ZNF638: variants seen among roughly 807,000 people sequenced by gnomAD.
The protein encoded by ZNF638 is zinc finger protein 638.
In ZNF638, 46 loss-of-function variants were observed where a neutral mutation model predicts 195.6. The ratio of observed to expected loss-of-function variants is 0.24; its 90% CI spans 0.19 to 0.30. The LOEUF (loss-of-function observed/expected upper bound fraction) is 0.30, where lower values mean the gene tolerates loss of function less well. Among genes scored for constraint, ZNF638 ranks in the 10% least tolerant of loss-of-function variants. ZNF638 has a pLI of 1.00. For synonymous variants in ZNF638, 845 were observed against 772.0 expected (o/e 1.09, Z -1.57); for missense variants, 2,440 against 2,325.3 (o/e 1.05, Z -1.01).
At chr2:71,410,783 C>G (rs2080198431) in intron 20 of ZNF638, among the ~76,000 whole-genome samples, 1 of 152,036 alleles carries the variant, frequency 6.6e-6, no homozygotes, top group African/African-American at 2.4e-5. Flanking sequence ...TGGAAGAGAG[C>G]AAGCTCTAAG....
At chr2:71,382,784 A>G (rs890104995) in intron 10 of ZNF638, among the ~76,000 whole-genome samples, 7 of 152,236 alleles carry the variant, frequency 4.6e-5, no homozygotes, top group Non-Finnish European at 7.3e-5. Flanking sequence ...CTGTGACACA[A>G]AGCTAAAGCA....
chr2:71,383,867 G>T (rs898094151), intron 10 of ZNF638, among the ~76,000 whole-genome samples: 1 of 142,834 alleles, frequency 7.0e-6, no homozygotes, highest in African/African-American at 2.7e-5. Context: ...CTCCCAAAGT[G>T]CTGGGATTAC....
chr2:71,403,696 ATTC>A (rs2080050348), intron 16 of ZNF638, among the ~76,000 whole-genome samples, 171 bp from the exon 17 acceptor site: 2 of 152,042 alleles, frequency 1.3e-5, no homozygotes, highest in South Asian at 4.1e-4. Flanking sequence ...TGGTTGTAAT[ATTC>A]TTAGTCTTTG....
intron 24 of ZNF638, 97 bp from the exon 25 acceptor site, chr2:71,428,450 A>G (rs911535832): frequency 3.5e-6 from 4 of 1,130,110 alleles, no homozygotes; most frequent in Non-Finnish European, 2.4e-6. Context: ...ATTTTTTGCA[A>G]AAATGTATAA....
chr2:71,367,333 A>G (rs1207940044), intron 6 of ZNF638, among the ~76,000 whole-genome samples: 1 of 151,634 alleles, frequency 6.6e-6, no homozygotes, highest in East Asian at 1.9e-4. Flanking sequence ...GTCATAGCTC[A>G]CTGCAGCCTC....
At chr2:71,408,083 T>C in intron 19 of ZNF638, 39 bp from the exon 20 acceptor site, 2 of 1,582,032 alleles carry the variant, frequency 1.3e-6, no homozygotes, top group Non-Finnish European at 1.7e-6. Context: ...TTCCAATTTT[T>C]TTAAAGAACT....
At chr2:71,388,499 C>G in intron 10 of ZNF638, 3 of 701,750 alleles carry the variant, frequency 4.3e-6, no homozygotes, top group Non-Finnish European at 7.9e-6. Context: ...TAAATAAATA[C>G]AAGCAGCTCC....
chr2:71,432,702 A>G (rs919766304), intron 26 of ZNF638, among the ~76,000 whole-genome samples: 2 of 152,350 alleles, frequency 1.3e-5, no homozygotes, highest in African/African-American at 4.8e-5. Flanking sequence ...ACGTTTTCTG[A>G]TTAAAATTAC....
intron 24 of ZNF638, among the ~76,000 whole-genome samples, 169 bp downstream of exon 24, chr2:71,427,583 TCA>T (rs1267018581): frequency 6.6e-6 from 1 of 152,216 alleles, no homozygotes; most frequent in Admixed American, 6.5e-5. Flanking sequence ...TGTACAAGTT[TCA>T]CAGTTTTTTA....
chr2:71,338,713 A>G (rs1034730774), intron 1 of ZNF638, among the ~76,000 whole-genome samples: 6 of 152,220 alleles, frequency 3.9e-5, no homozygotes, highest in Non-Finnish European at 5.9e-5. Flanking sequence ...TGAGGTACAT[A>G]AATTGAATAG....
chr2:71,420,576 G>A (rs982632709), intron 21 of ZNF638, among the ~76,000 whole-genome samples: 2 of 152,178 alleles, frequency 1.3e-5, no homozygotes, highest in African/African-American at 4.8e-5. Flanking sequence ...TGCTTTTTCT[G>A]AAGGCTGTGA....
intron 20 of ZNF638, among the ~76,000 whole-genome samples, chr2:71,410,992 C>CCTTTTTT (rs1553484599): frequency 4.1e-5 from 1 of 24,506 alleles, no homozygotes; most frequent in Non-Finnish European, 7.7e-5. Context: ...CTCCCCCCCC[C>CCTTTTTT]TTTTTTTTTT....
chr2:71,383,569 T>G (rs2079573121), intron 10 of ZNF638, among the ~76,000 whole-genome samples: 2 of 146,832 alleles, frequency 1.4e-5, no homozygotes, highest in African/African-American at 2.5e-5. Flanking sequence ...GGTTTTTTTT[T>G]TTTTTTTTTT....
intron 1 of ZNF638, among the ~76,000 whole-genome samples, chr2:71,332,602 C>T (rs1477303793): frequency 6.6e-6 from 1 of 152,056 alleles, no homozygotes; most frequent in Non-Finnish European, 1.5e-5. Context: ...GAAAACAGAA[C>T]GTTAGTGAAT....
intron 24 of ZNF638, 23 bp downstream of exon 24, chr2:71,427,437 C>T: frequency 6.7e-7 from 1 of 1,490,670 alleles, no homozygotes; most frequent in Non-Finnish European, 8.9e-7. Context: ...AAGGGGTAGT[C>T]TTTCTGTTTT....
At chr2:71,368,563 A>G in intron 7 of ZNF638, 35 bp downstream of exon 7, 1 of 1,605,236 alleles carries the variant, frequency 6.2e-7, no homozygotes, top group Non-Finnish European at 8.5e-7. Flanking sequence ...AATTCATACA[A>G]AGTGATTGCT....
chr2:71,426,436 C>T, intron 23 of ZNF638, 24 bp from the exon 24 acceptor site: 1 of 1,520,624 alleles, frequency 6.6e-7, no homozygotes, highest in Non-Finnish European at 8.8e-7. Flanking sequence ...GTTTACAATA[C>T]TATGATTTTT....
At chr2:71,371,020 C>T (rs114504892) in intron 8 of ZNF638, among the ~76,000 whole-genome samples, 2,814 of 152,108 alleles carry the variant, frequency 0.018, 91 homozygotes, top group African/African-American at 0.064. Flanking sequence ...CTTTCTGTCT[C>T]CATGAGTTCA....
intron 20 of ZNF638, among the ~76,000 whole-genome samples, chr2:71,410,849 A>G (rs2080199999): frequency 2.0e-5 from 3 of 152,062 alleles, no homozygotes; most frequent in Admixed American, 2.0e-4. Context: ...CTTTAGGGAC[A>G]TACTTGGTGA....
Sources: allele counts gnomAD v4.1 joint callset (sites outside exome capture counted in the v4.1 genomes callset), GRCh38; gene constraint gnomAD v4.1.1; transcripts MANE v1.5; gene names NCBI Gene and HGNC (gene_info 2026-07-23, HGNC 2026-07-21).